The following PTPN2 variants were observed in gnomAD, a reference collection of about 807,000 sequenced individuals.
PTPN2 encodes the protein tyrosine-protein phosphatase non-receptor type 2.
Under a neutral mutation model 57.3 loss-of-function variants are expected in PTPN2, and 19 were observed. The ratio of observed to expected loss-of-function variants is 0.33; its 90% CI spans 0.23 to 0.49. The LOEUF is 0.49. PTPN2 is among the 20% of genes least tolerant of loss of function. The pLI, the probability that PTPN2 is intolerant of heterozygous loss-of-function variation, is 0.99. For synonymous variants in PTPN2, 153 were observed against 164.9 expected (o/e 0.93, Z 0.55); for missense variants, 358 against 501.1 (o/e 0.71, Z 2.73).
chr18:12,859,084 C>G, intron 2 of PTPN2, 80 bp downstream of exon 2: 1 of 1,038,538 alleles, frequency 9.6e-7, no homozygotes, highest in South Asian at 1.4e-5. Context: ...AACACTGACC[C>G]CAAGCCCTCC....
At chr18:12,852,191 A>AACAC (rs139964591) in intron 2 of PTPN2, among the ~76,000 whole-genome samples, 20,351 of 140,366 alleles carry the variant, frequency 0.14, 1,800 homozygotes, top group African/African-American at 0.25. Context: ...ATGGGTTTTT[A>AACAC]ACACACACAC....
downstream of PTPN2, among the ~76,000 whole-genome samples, chr18:12,789,860 ATG>A (rs1555655091): frequency 1.1e-3 from 119 of 105,598 alleles, 1 homozygote; most frequent in African/African-American, 3.7e-3. Flanking sequence ...ATCTCTCTGT[ATG>A]TGTGTGTGTG....
chr18:12,862,856 TC>T (rs1466810379), intron 1 of PTPN2: 13 of 152,020 alleles, frequency 8.6e-5, no homozygotes, highest in African/African-American at 3.1e-4. Flanking sequence ...AAACATAAAC[TC>T]CTGGTTGTTA....
intron 5 of PTPN2, among the ~76,000 whole-genome samples, chr18:12,821,951 G>A (rs2145336334): frequency 6.6e-6 from 1 of 152,230 alleles, no homozygotes; most frequent in Admixed American, 6.5e-5. Context: ...GGGGTACCAA[G>A]GCAGCAGATA....
At chr18:12,803,967 A>G (rs564417513) in intron 7 of PTPN2, among the ~76,000 whole-genome samples, 1 of 152,300 alleles carries the variant, frequency 6.6e-6, no homozygotes, top group Non-Finnish European at 1.5e-5. Flanking sequence ...ATGATGGACC[A>G]TATGTTAGGC....
Position 12,825,096 on chromosome 18 carries a change from T to TCAAC in PTPN2, c.495+710_495+713dup, listed in dbSNP as rs201450350. Among the ~76,000 whole-genome samples the TCAAC allele has an allele frequency of 9.2e-3, 1,395 of 151,910 alleles. 6 individuals carry two copies. Among genetic ancestry groups the TCAAC allele is most frequent in the African/African-American group, 0.012 (506 of 41,354 alleles). ...AAGCAAGACTGTCTCAAAAAACCAA[T>TCAAC]CAACCAACCAACCAACCAACCAAAC... On this transcript the variant is annotated intron_variant, in intron 5 of 8. Coordinates refer to ENST00000309660, the MANE Select transcript of PTPN2 (RefSeq NM_002828.4).
rs753128305 is a variant in PTPN2 at position 12,807,604 on chromosome 18, T to TATATAA, written c.859-5454_859-5453insTTATAT. On this transcript the variant is annotated intron_variant, in intron 7 of 8. Coordinates refer to ENST00000309660, the MANE Select transcript of PTPN2 (RefSeq NM_002828.4). ...AAAAAAAAATATATATATATATATA[T>TATATAA]AATATAATACTATTTGGCCATTAAA... is the stretch of plus-strand genomic sequence containing the variant. 3.9e-3 allele frequency among the ~76,000 whole-genome samples: 373 copies of TATATAA among 95,420 alleles called. 18 individuals are homozygous for TATATAA. The highest frequency in any genetic ancestry group is 0.036 in the Admixed American group (270 of 7,402). 62.6% of individuals were successfully genotyped at this position (95,420 alleles called of 152,430 possible). A position where few individuals can be genotyped will look rare whatever the true frequency, so the allele number is the denominator to read the frequency against.
At chr18:12,849,138 A>T (rs2043307913) in intron 2 of PTPN2, among the ~76,000 whole-genome samples, 1 of 152,244 alleles carries the variant, frequency 6.6e-6, no homozygotes, top group South Asian at 2.1e-4. Flanking sequence ...TAGAAATCTT[A>T]GAAGTTCCCT....
rs773533241 is a variant in PTPN2 at position 12,814,257 on chromosome 18, T to C, written c.804A>G (p.Ser268=). 2 of 1,608,038 alleles carry C rather than the reference T, an allele frequency of 1.2e-6. No individual in the cohort carries two copies. The highest frequency in any genetic ancestry group is 1.7e-6 in the Non-Finnish European group (2 of 1,175,722). Residue 268 remains serine, a synonymous_variant, in exon 7 of 9, where the codon TCA becomes TCG. Transcript: ENST00000309660. The part of the protein sequence containing the change: ...LIQTPDQLRF[S]YMAIIEGAKC... ...TTGCTCCTTCTATTATAGCCATGTA[T>C]GAGAATCTCAGTTGATCTGGGGTCT...
intron 1 of PTPN2, among the ~76,000 whole-genome samples, chr18:12,860,764 C>T (rs926405333): frequency 6.8e-6 from 1 of 146,804 alleles, no homozygotes; most frequent in Non-Finnish European, 1.5e-5. Flanking sequence ...TAGGCGCCTT[C>T]GGGTTCTCTG....
intron 2 of PTPN2, among the ~76,000 whole-genome samples, chr18:12,845,176 T>TA (rs1457786124): frequency 6.6e-6 from 1 of 152,348 alleles, no homozygotes; most frequent in East Asian, 1.9e-4. Context: ...AGCTTGTTTT[T>TA]ATCTACAAAA....
At chr18:12,817,034 T>C (rs2042100360) in intron 6 of PTPN2, 122 bp downstream of exon 6, 3 of 930,320 alleles carry the variant, frequency 3.2e-6, no homozygotes, top group Non-Finnish European at 4.9e-6. Flanking sequence ...TTTCCAAAAG[T>C]AGAAGTTTAA....
At chr18:12,838,419 G>A (rs1397033522) in intron 2 of PTPN2, among the ~76,000 whole-genome samples, 1 of 152,172 alleles carries the variant, frequency 6.6e-6, no homozygotes, top group Non-Finnish European at 1.5e-5. Context: ...CAGAGTATTT[G>A]ATACCTCACC....
chr18:12,788,065 C>G (rs931727196), downstream of PTPN2: 10 of 154,826 alleles, frequency 6.5e-5, no homozygotes, highest in African/African-American at 2.2e-4. Flanking sequence ...GATGACTTAC[C>G]TAGGTTCCCG....
intron 2 of PTPN2, chr18:12,839,545 G>C (rs892001467): frequency 6.6e-6 from 1 of 152,160 alleles, no homozygotes; most frequent in South Asian, 2.1e-4. Flanking sequence ...TCTTTTAAAG[G>C]ATCCAGTAAA....
intron 1 of PTPN2, among the ~76,000 whole-genome samples, chr18:12,880,291 G>A (rs1402518619): frequency 6.6e-6 from 1 of 152,212 alleles, no homozygotes; most frequent in African/African-American, 2.4e-5. Context: ...GAAAGTGATA[G>A]GGGAAATCAA....
rs1045905913 is a variant in PTPN2 at position 12,817,153 on chromosome 18, T to C, written c.705+3A>G. 4 of 1,609,864 alleles carry C rather than the reference T, an allele frequency of 2.5e-6. No homozygotes were observed. In the African/African-American group the frequency reaches 5.4e-5, roughly 22 times the overall value. ...TTAAAATGAGATCGTAAGAAGCACT[T>C]ACCAAAACAAGACAAGTGTCTACCA... On this transcript the variant is annotated splice_donor_region_variant and intron_variant, in intron 6 of 8. Transcript: ENST00000309660.
chr18:12,794,299 A>G lies in PTPN2; in HGVS notation c.1227T>C (p.Phe409=). 1.2e-6 allele frequency: 2 copies of G among 1,614,238 alleles called. No homozygotes were observed. Among genetic ancestry groups the G allele is most frequent in the Non-Finnish European group, 1.7e-6 (2 of 1,180,044 alleles). ...TTGTTTATAGGGCATTTTGCTGAAA[A>G]AACAGTGTCCAGCCAACAAAAGCGC... ...LVGAFVGWTL[F]FQQNAL Residue 409 remains phenylalanine (F), a synonymous_variant, in exon 9 of 9, where the codon TTT becomes TTC. Transcript: ENST00000309660.
At chr18:12,797,313 T>C (rs2041229562) in intron 8 of PTPN2, among the ~76,000 whole-genome samples, 1 of 152,132 alleles carries the variant, frequency 6.6e-6, no homozygotes. Context: ...AAGGCAATTA[T>C]AATTTGTATC....
Sources: allele counts gnomAD v4.1 joint callset (sites outside exome capture counted in the v4.1 genomes callset), GRCh38; gene constraint gnomAD v4.1.1; transcripts MANE v1.5; gene names NCBI Gene and HGNC (gene_info 2026-07-23, HGNC 2026-07-21).